ABCD2: variants seen among roughly 807,000 people sequenced by gnomAD.
ABCD2 encodes ATP binding cassette subfamily D member 2.
ABCD2 carries 36 observed loss-of-function variants against 70.9 expected under a neutral mutation model. The observed-to-expected ratio is 0.51, with a 90% CI of 0.39 to 0.67. The LOEUF is 0.67. ABCD2 is among the 30% of genes least tolerant of loss of function. ABCD2 has a pLI of 0.00. For synonymous variants in ABCD2, 304 were observed against 306.9 expected (o/e 0.99, Z 0.10); for missense variants, 729 against 890.2 (o/e 0.82, Z 2.30).
chr12:39,531,977 C>T, the ABCD2 span, among the ~76,000 whole-genome samples: 25 of 152,158 alleles, frequency 1.6e-4, no homozygotes, highest in Non-Finnish European at 3.2e-4. Flanking sequence ...TTTTTTCTTG[C>T]TTATGAGATG....
At chr12:39,583,119 C>T (rs935484130) in intron 7 of ABCD2, among the ~76,000 whole-genome samples, 3 of 152,172 alleles carry the variant, frequency 2.0e-5, no homozygotes, top group Non-Finnish European at 4.4e-5. Flanking sequence ...CTCGGCCTCC[C>T]AAAGTGCTGG....
Position 39,619,611 on chromosome 12 carries a change from G to A in ABCD2, c.5C>T (p.Thr2Ile), listed in dbSNP as rs747881435. The A allele has an allele frequency of 7.5e-6, 12 of 1,603,302 alleles. No individual in the cohort carries two copies. The highest frequency in any genetic ancestry group is 1.7e-6 in the Non-Finnish European group (2 of 1,177,374). Residue 2 changes from threonine (T) to isoleucine (I), a missense_variant, in exon 1 of 10, where the codon ACA (threonine) becomes ATA (isoleucine). Thr to Ile is a moderately conservative substitution (Grantham distance 89). Transcript: ENST00000308666. Reference sequence around the variant, plus strand: ...ATCAGCTGCTGCATTTAGCATATGTGTCATTTTCCCAGTTACCCAAACCGG... The same window carrying A: ...ATCAGCTGCTGCATTTAGCATATGTATCATTTTCCCAGTTACCCAAACCGG... M[T>I]HMLNAAADRV...
At chr12:39,596,564 C>A (rs1303856978) in intron 6 of ABCD2, among the ~76,000 whole-genome samples, 3 of 151,950 alleles carry the variant, frequency 2.0e-5, no homozygotes, top group African/African-American at 4.8e-5. Flanking sequence ...ACTTTCTGAA[C>A]CTTTTGTTTC....
intron 6 of ABCD2, among the ~76,000 whole-genome samples, chr12:39,587,848 C>G (rs931867121): frequency 2.1e-4 from 32 of 152,150 alleles, no homozygotes; most frequent in African/African-American, 7.0e-4. Context: ...AGTAACCACA[C>G]AGCGAAGGGG....
At chr12:39,531,811 A>G in the ABCD2 span, among the ~76,000 whole-genome samples, 6 of 152,212 alleles carry the variant, frequency 3.9e-5, no homozygotes, top group African/African-American at 1.4e-4. Flanking sequence ...GCAAGTAGTA[A>G]CCTCTAGTCT....
intron 3 of ABCD2, among the ~76,000 whole-genome samples, chr12:39,605,444 G>C (rs1251039396): frequency 6.6e-6 from 1 of 152,090 alleles, no homozygotes; most frequent in Non-Finnish European, 1.5e-5. Context: ...TCAATGAAAA[G>C]CTTCAAATCC....
intron 7 of ABCD2, among the ~76,000 whole-genome samples, chr12:39,582,775 T>C (rs1270085452): frequency 6.6e-6 from 1 of 152,188 alleles, no homozygotes; most frequent in Non-Finnish European, 1.5e-5. Flanking sequence ...GTATGTGATA[T>C]TGTTATATAA....
At position 39,607,722 on chromosome 12, in the gene ABCD2, T is replaced by C; in HGVS notation, c.1121-8A>G. ...CTTGCTTTTGGCCATCCTCTAGATA[T>C]AAAAACAAATTACAAAACTTGAGTT... On this transcript the variant is annotated splice_polypyrimidine_tract_variant and splice_region_variant and intron_variant, in intron 2 of 9. Coordinates refer to ENST00000308666, the MANE Select transcript of ABCD2 (RefSeq NM_005164.4). 2 of 1,413,038 alleles carry C rather than the reference T, an allele frequency of 1.4e-6. No individual in the cohort carries two copies. Among genetic ancestry groups the C allele is most frequent in the East Asian group, 2.4e-5 (1 of 42,084 alleles). 87.5% of individuals were successfully genotyped at this position (1,413,038 alleles called of 1,614,324 possible).
chr12:39,589,897 T>A (rs938364359), intron 6 of ABCD2, among the ~76,000 whole-genome samples: 11 of 152,198 alleles, frequency 7.2e-5, no homozygotes, highest in African/African-American at 2.7e-4. Context: ...AATAATACAT[T>A]CTATATATGT....
intron 7 of ABCD2, among the ~76,000 whole-genome samples, chr12:39,581,458 G>A (rs944205749): frequency 1.6e-4 from 24 of 152,074 alleles, no homozygotes; most frequent in African/African-American, 5.5e-4. Flanking sequence ...AATACACATA[G>A]GAAATAGACA....
chr12:39,617,143 C>A lies in ABCD2; in HGVS notation c.965G>T (p.Ser322Ile). 6.3e-7 allele frequency: 1 copy of A among 1,596,934 alleles called. No individual in the cohort carries two copies. The highest frequency in any genetic ancestry group is 8.5e-7 in the Non-Finnish European group (1 of 1,172,982). ...HKVEMKQLQKSYKALADQMNL... is the reference protein window; with the variant it reads ...HKVEMKQLQKIYKALADQMNL... ...CATCTGATCTGCTAAAGCTTTGTAA[C>A]TTTTCTGAAGTTGTTTCATTTCTAC... Residue 322 changes from serine to isoleucine, a missense_variant, in exon 2 of 10, where the codon AGT becomes ATT. This residue lies in a region of ABCD2 where 195 missense variants were observed against 300.2 expected (regional missense o/e 0.65). Coordinates refer to ENST00000308666, the MANE Select transcript of ABCD2 (RefSeq NM_005164.4).
At position 39,586,224 on chromosome 12, in the gene ABCD2, C is replaced by A. The variant is rs562792577; in HGVS notation, c.1720G>T (p.Gly574Cys). ...PDSVDDMHDK[G>C]YTDQDLERIL... ...CGTTCCAGATCTTGGTCTGTATAAC[C>A]TTTATCATGCATATCATCCACTGAA... is the stretch of plus-strand genomic sequence containing the variant. The change falls in exon 7 of 10, where the codon GGT becomes TGT. Residue 574 changes from glycine (G) to cysteine (C), a missense_variant. This residue lies in a region of ABCD2 where 289 missense variants were observed against 328.8 expected (regional missense o/e 0.88). Transcript: ENST00000308666. 16 of 1,613,410 alleles carry A rather than the reference C, an allele frequency of 9.9e-6. No homozygotes were observed. Among genetic ancestry groups the A allele is most frequent in the Non-Finnish European group, 1.4e-5 (16 of 1,179,660 alleles).
In ABCD2 at chr12:39,550,375, TTA is replaced by T. The variant is rs1591960062; in HGVS notation, c.*3535_*3536del. ...AAATACACATCAGATGGAAATTATA[TTA>T]TAATGTACTCACACACAGCCACAAT... On this transcript the variant is annotated 3_prime_UTR_variant, in exon 10 of 10. Coordinates refer to ENST00000308666, the MANE Select transcript of ABCD2 (RefSeq NM_005164.4). The T allele has an allele frequency of 1.3e-5, 2 of 151,758 alleles. No homozygotes were observed. Among genetic ancestry groups the T allele is most frequent in the African/African-American group, 4.8e-5 (2 of 41,416 alleles). 9.4% of individuals were successfully genotyped at this position (151,758 alleles called of 1,614,324 possible).
chr12:39,553,990 C>T lies in ABCD2; in HGVS notation c.2145G>A (p.Gln715=). ...SQLAGIPKMQ[Q]RLNELCKILG... ...AAATTTTACATAGTTCATTGAGTCT[C>T]TGCTGCATTTTGGGAATTCCAGCTA... Residue 715 remains glutamine (Q), a synonymous_variant, in exon 10 of 10, where the codon CAG becomes CAA. Transcript: ENST00000308666. The T allele has an allele frequency of 6.2e-7, 1 of 1,613,464 alleles. No homozygotes were observed. Among genetic ancestry groups the T allele is most frequent in the African/African-American group, 1.3e-5 (1 of 75,026 alleles).
At chr12:39,572,476 T>C (rs1941461080) in intron 9 of ABCD2, among the ~76,000 whole-genome samples, 2 of 152,180 alleles carry the variant, frequency 1.3e-5, no homozygotes, top group Admixed American at 6.5e-5. Context: ...CATGCTGGAC[T>C]AGATCCAGAA....
chr12:39,608,544 C>T (rs1023567468), intron 2 of ABCD2, among the ~76,000 whole-genome samples: 2 of 151,850 alleles, frequency 1.3e-5, no homozygotes, highest in Non-Finnish European at 2.9e-5. Flanking sequence ...GAAGATTAGC[C>T]GGGCATGATG....
In ABCD2 at chr12:39,552,882, T is replaced by C. The variant is rs570163476; in HGVS notation, c.*1030A>G. The stretch of plus-strand genomic sequence containing the variant: ...GAACTTCATTTGATTTCTCGATCTT[T>C]CCTTAAGTAAAGTGCATGATTAGGG... On this transcript the variant is annotated 3_prime_UTR_variant, in exon 10 of 10. Coordinates refer to ENST00000308666, the MANE Select transcript of ABCD2 (RefSeq NM_005164.4). 2 of 152,158 alleles carry C rather than the reference T, an allele frequency of 1.3e-5. No homozygotes were observed. The highest frequency in any genetic ancestry group is 2.9e-5 in the Non-Finnish European group (2 of 67,888). 9.4% of individuals were successfully genotyped at this position (152,158 alleles called of 1,614,324 possible).
At chr12:39,534,234 G>C in the ABCD2 span, among the ~76,000 whole-genome samples, 1 of 152,174 alleles carries the variant, frequency 6.6e-6, no homozygotes, top group South Asian at 2.1e-4. Flanking sequence ...CCAACAGGAG[G>C]CTGCAATGCT....
the ABCD2 span, among the ~76,000 whole-genome samples, chr12:39,538,980 C>A: frequency 6.6e-6 from 1 of 152,158 alleles, no homozygotes; most frequent in Non-Finnish European, 1.5e-5. Flanking sequence ...CATTTTAGGC[C>A]TCAGCCCGCC....
Sources: gnomAD v4.1 joint callset for allele counts (sites outside exome capture counted in the v4.1 genomes callset) on GRCh38, gnomAD v4.1.1 for gene constraint, gnomAD v4.1.1 regional missense constraint, MANE v1.5 for transcripts, NCBI Gene and HGNC (gene_info 2026-07-23, HGNC 2026-07-21) for gene names.